The following PBX1 variants were observed in gnomAD, a reference collection of about 807,000 sequenced individuals.
The protein encoded by PBX1 is pre-B-cell leukemia transcription factor 1.
PBX1 carries 6 observed loss-of-function variants against 53.4 expected under a neutral mutation model. The ratio of observed to expected loss-of-function variants is 0.11; its 90% confidence interval spans 0.06 to 0.22. The LOEUF is 0.22. Ranked by LOEUF, PBX1 falls within the 10% of genes least tolerant of loss-of-function variation. The probability of loss-of-function intolerance (pLI) is 1.00; values close to 1 mark genes in which losing one functional copy is unlikely to be tolerated. For missense variants in PBX1, 251 were observed against 551.4 expected (o/e 0.46, Z 5.46); for synonymous variants, 204 against 212.3 (o/e 0.96, Z 0.34).
At chr1:164,846,542 C>T (rs1305778579) in intron 8 of PBX1, 42 bp from the exon 9 acceptor site, 2 of 1,570,146 alleles carry the variant, frequency 1.3e-6, no homozygotes, top group African/African-American at 2.7e-5. Flanking sequence ...AAACAGCCAC[C>T]CAATCTCAGA....
intron 2 of PBX1, among the ~76,000 whole-genome samples, chr1:164,876,168 C>G (rs1015769341): frequency 3.1e-4 from 47 of 151,810 alleles, no homozygotes; most frequent in African/African-American, 1.1e-3. Context: ...TTATTAAGCA[C>G]TTTGCAAATA....
intron 2 of PBX1, among the ~76,000 whole-genome samples, chr1:164,633,223 C>T (rs928753792): frequency 6.6e-6 from 1 of 151,638 alleles, no homozygotes; most frequent in African/African-American, 2.4e-5. Context: ...AATCTTGGCT[C>T]ACTTCAGTCT....
Position 164,811,978 on chromosome 1 carries a change from A to C in PBX1, c.838-12A>C, listed in dbSNP as rs1413548020. Reference sequence around the variant, plus strand: ...AATGTGAACTTTCTCATCTTCTCTTAAACTACTCTAGGTATCAAACTGGTT... The same window carrying C: ...AATGTGAACTTTCTCATCTTCTCTTCAACTACTCTAGGTATCAAACTGGTT... On this transcript the variant is annotated splice_polypyrimidine_tract_variant and intron_variant, in intron 5 of 8. Transcript: ENST00000420696. 4.4e-6 allele frequency: 7 copies of C among 1,604,578 alleles called. No individual in the cohort carries two copies. The highest frequency in any genetic ancestry group is 1.7e-5 in the Admixed American group (1 of 58,708).
At chr1:164,812,173 G>A (rs1275614417) in intron 6 of PBX1, 24 bp downstream of exon 6, 3 of 1,593,032 alleles carry the variant, frequency 1.9e-6, no homozygotes, top group Admixed American at 1.7e-5. Context: ...TTGATTGGGG[G>A]TGGGGGAAGG....
intron 2 of PBX1, among the ~76,000 whole-genome samples, chr1:164,792,257 A>C (rs1428081796): frequency 6.6e-6 from 1 of 152,188 alleles, no homozygotes; most frequent in African/African-American, 2.4e-5. Context: ...GCCTCTTATA[A>C]ATTTGATTAT....
intron 8 of PBX1, among the ~76,000 whole-genome samples, chr1:164,837,791 A>G (rs1237088700): frequency 6.6e-6 from 1 of 152,234 alleles, no homozygotes; most frequent in Non-Finnish European, 1.5e-5. Context: ...TCTGTAAGAC[A>G]TGAACACGTT....
intron 8 of PBX1, among the ~76,000 whole-genome samples, chr1:164,837,124 C>T (rs1671075993): frequency 6.6e-6 from 1 of 152,046 alleles, no homozygotes; most frequent in South Asian, 2.1e-4. Context: ...AAAATTTACC[C>T]CACGAGGGCA....
chr1:164,874,140 A>T (rs1480389641), intron 2 of PBX1, among the ~76,000 whole-genome samples: 4 of 152,184 alleles, frequency 2.6e-5, no homozygotes, highest in Admixed American at 2.6e-4. Flanking sequence ...TAGAACTGTG[A>T]GATGTGTAAG....
intron 1 of PBX1, 139 bp from the exon 2 acceptor site, chr1:164,563,099 G>T: frequency 1.9e-6 from 1 of 521,278 alleles, no homozygotes; most frequent in Non-Finnish European, 3.5e-6. Flanking sequence ...ATTAAGTCAT[G>T]AAAACAACTG....
At chr1:164,752,197 T>C (rs2102197911) in intron 2 of PBX1, among the ~76,000 whole-genome samples, 1 of 135,894 alleles carries the variant, frequency 7.4e-6, no homozygotes, top group East Asian at 2.2e-4. Context: ...TTTAGACCCC[T>C]TTAAGGTTTT....
chr1:164,726,473 A>G (rs555148393), intron 2 of PBX1, among the ~76,000 whole-genome samples: 76 of 152,346 alleles, frequency 5.0e-4, no homozygotes, highest in African/African-American at 1.8e-3. Flanking sequence ...ATTCAGCCAT[A>G]AATATGGCTG....
intron 2 of PBX1, among the ~76,000 whole-genome samples, chr1:164,595,626 T>C (rs1034793614): frequency 6.6e-6 from 1 of 152,156 alleles, no homozygotes; most frequent in Non-Finnish European, 1.5e-5. Context: ...CAAACTGATA[T>C]GATCGTTGTA....
At chr1:164,578,875 T>TGAAA (rs1654428071) in intron 2 of PBX1, among the ~76,000 whole-genome samples, 1 of 152,274 alleles carries the variant, frequency 6.6e-6, no homozygotes, top group African/African-American at 2.4e-5. Context: ...GTAACCTCCT[T>TGAAA]TATTTCCTTT....
In PBX1 at chr1:164,700,506, G is replaced by T. The variant is rs574671490; in HGVS notation, c.266-91988G>T. The T allele has an allele frequency of 9.4e-5, 93 of 985,316 alleles. 1 individual carries two copies. The African/African-American group carries it at 1.3e-3, about 14-fold the overall frequency. 61.0% of individuals were successfully genotyped at this position (985,316 alleles called of 1,614,324 possible). The stretch of plus-strand genomic sequence containing the variant: ...ACCCGAAGGTTTCTTGCTACTCTTC[G>T]TAGCAAATACTAGCTGTTTACCACT... On this transcript the variant is annotated intron_variant, in intron 2 of 8. Coordinates refer to ENST00000420696, the MANE Select transcript of PBX1 (RefSeq NM_002585.4).
chr1:164,608,149 C>T (rs1462681827), intron 2 of PBX1, among the ~76,000 whole-genome samples: 2 of 152,160 alleles, frequency 1.3e-5, no homozygotes, highest in Non-Finnish European at 2.9e-5. Context: ...GGCAACTTGC[C>T]CTGTATTTCT....
intron 2 of PBX1, among the ~76,000 whole-genome samples, chr1:164,709,354 T>A (rs912922392): frequency 1.3e-5 from 2 of 152,092 alleles, no homozygotes; most frequent in Non-Finnish European, 1.5e-5. Flanking sequence ...TCACTCGAAA[T>A]TGTGCAAGGA....
intron 2 of PBX1, among the ~76,000 whole-genome samples, chr1:164,788,391 T>G (rs1054901241): frequency 7.9e-5 from 12 of 151,856 alleles, no homozygotes; most frequent in Non-Finnish European, 1.0e-4. Context: ...TTGGTGTTTT[T>G]TTTTTTTTTT....
At chr1:164,878,887 G>A (rs1193431755) in intron 2 of PBX1, among the ~76,000 whole-genome samples, 1 of 152,184 alleles carries the variant, frequency 6.6e-6, no homozygotes, top group Non-Finnish European at 1.5e-5. Flanking sequence ...TCAAAGACAA[G>A]GAATCTTTGA....
intron 2 of PBX1, among the ~76,000 whole-genome samples, chr1:164,787,454 C>T (rs559791451): frequency 3.3e-5 from 5 of 152,188 alleles, no homozygotes; most frequent in Non-Finnish European, 5.9e-5. Context: ...CTTGACTGTC[C>T]GCCCGCCTGG....
Sources: allele counts gnomAD v4.1 joint callset (sites outside exome capture counted in the v4.1 genomes callset), GRCh38; gene constraint gnomAD v4.1.1; transcripts MANE v1.5; gene names NCBI Gene and HGNC (gene_info 2026-07-23, HGNC 2026-07-21).